Variants in DLG2 observed in about 807,000 individuals in gnomAD.
DLG2 encodes discs large MAGUK scaffold protein 2.
In DLG2, 45 loss-of-function variants were observed where a neutral mutation model predicts 132.5. The ratio of observed to expected loss-of-function variants is 0.34; its 90% CI spans 0.27 to 0.44. The LOEUF is 0.44. Among genes scored for constraint, DLG2 ranks in the 20% least tolerant of loss-of-function variants. DLG2 has a pLI of 1.00. For missense variants in DLG2, 1,045 were observed against 1,196.9 expected, an observed-to-expected ratio of 0.87 and a Z score of 1.87; for synonymous variants, 424 against 419.6, an observed-to-expected ratio of 1.01 and a Z score of -0.13.
At chr11:84,492,991 T>A (rs150541232) in intron 7 of DLG2, among the ~76,000 whole-genome samples, 77 of 152,218 alleles carry the variant, frequency 5.1e-4, no homozygotes, top group Non-Finnish European at 9.3e-4. Flanking sequence ...TTTTCTATGA[T>A]CTTAAAATGA....
intron 3 of DLG2, among the ~76,000 whole-genome samples, chr11:85,506,148 G>C (rs952439522): frequency 6.6e-6 from 1 of 151,528 alleles, no homozygotes; most frequent in African/African-American, 2.4e-5. Flanking sequence ...CTATTTTGTT[G>C]ATCTTTTCAA....
At chr11:83,488,787 A>T (rs1490165677) in intron 21 of DLG2, among the ~76,000 whole-genome samples, 4 of 151,914 alleles carry the variant, frequency 2.6e-5, no homozygotes, top group Admixed American at 2.0e-4. Flanking sequence ...CTCTAAAATA[A>T]TTGTGTTCCC....
chr11:83,604,818 A>G (rs2059086206), intron 19 of DLG2, among the ~76,000 whole-genome samples: 1 of 152,194 alleles, frequency 6.6e-6, no homozygotes, highest in African/African-American at 2.4e-5. Flanking sequence ...TTAAAAAAAG[A>G]AAATCTATAA....
At chr11:85,572,427 G>A (rs2153225716) in intron 3 of DLG2, among the ~76,000 whole-genome samples, 1 of 152,182 alleles carries the variant, frequency 6.6e-6, no homozygotes, top group Non-Finnish European at 1.5e-5. Context: ...GTGAGAAAAA[G>A]AATCACAAAA....
intron 7 of DLG2, among the ~76,000 whole-genome samples, chr11:84,525,935 C>T (rs2099318983): frequency 6.6e-6 from 1 of 152,126 alleles, no homozygotes; most frequent in African/African-American, 2.4e-5. Flanking sequence ...TTTCATACTT[C>T]CTTCAAGTAA....
intron 8 of DLG2, among the ~76,000 whole-genome samples, chr11:84,168,860 C>T (rs540663158): frequency 3.7e-4 from 56 of 150,776 alleles, no homozygotes; most frequent in African/African-American, 1.2e-3. Context: ...CAAACACACA[C>T]ACTCATTTGC....
chr11:85,510,880 C>A (rs568905438), intron 3 of DLG2, among the ~76,000 whole-genome samples: 1 of 152,166 alleles, frequency 6.6e-6, no homozygotes, highest in African/African-American at 2.4e-5. Flanking sequence ...GGGTATACAC[C>A]CAAAGGATTA....
At chr11:84,408,296 T>C (rs2098869463) in intron 7 of DLG2, among the ~76,000 whole-genome samples, 1 of 151,930 alleles carries the variant, frequency 6.6e-6, no homozygotes, top group Admixed American at 6.6e-5. Flanking sequence ...ATGAAATATA[T>C]GCCCAATATT....
intron 3 of DLG2, among the ~76,000 whole-genome samples, chr11:85,417,669 T>C (rs896549754): frequency 7.2e-5 from 11 of 152,340 alleles, no homozygotes; most frequent in Admixed American, 1.3e-4. Context: ...TGCTTTAGTC[T>C]TGTGAGGGTG....
At chr11:85,511,811 T>C (rs1002933882) in intron 3 of DLG2, among the ~76,000 whole-genome samples, 8 of 151,520 alleles carry the variant, frequency 5.3e-5, no homozygotes, top group Non-Finnish European at 8.8e-5. Context: ...CTCAAACTCC[T>C]GGGCTTAAGT....
At chr11:83,544,829 A>G (rs1464487842) in intron 19 of DLG2, among the ~76,000 whole-genome samples, 1 of 152,132 alleles carries the variant, frequency 6.6e-6, no homozygotes, top group African/African-American at 2.4e-5. Context: ...ATATAAAATG[A>G]GGTGTATCTG....
chr11:84,151,432 T>A (rs948501558), intron 9 of DLG2, among the ~76,000 whole-genome samples: 1 of 152,104 alleles, frequency 6.6e-6, no homozygotes, highest in Non-Finnish European at 1.5e-5. Flanking sequence ...CTTATTTGAG[T>A]CTTCTCTTTA....
chr11:85,491,041 G>A lies in DLG2; in HGVS notation c.40+107616C>T, dbSNP rs78868658. 9.8e-3 allele frequency among the ~76,000 whole-genome samples: 1,484 copies of A among 152,000 alleles called. 21 individuals are homozygous for A. The highest frequency in any genetic ancestry group is 0.032 in the African/African-American group (1,326 of 41,464). On this transcript the variant is annotated intron_variant, in intron 3 of 27. Coordinates refer to ENST00000376104, the MANE Select transcript of DLG2 (RefSeq NM_001142699.3). ...ACTCTCAACAAAATACTAGCAAACT[G>A]AATCCAACAACACAATAAGAAGATA...
chr11:84,862,507 A>C (rs892822482), intron 6 of DLG2, among the ~76,000 whole-genome samples: 1 of 152,198 alleles, frequency 6.6e-6, no homozygotes, highest in South Asian at 2.1e-4. Context: ...TCTACAATAA[A>C]GACACATGCA....
intron 26 of DLG2, among the ~76,000 whole-genome samples, chr11:83,463,009 T>C (rs889240624): frequency 6.6e-6 from 1 of 152,200 alleles, no homozygotes; most frequent in Admixed American, 6.5e-5. Context: ...CAGGTGCATG[T>C]AGAATTTCTG....
intron 6 of DLG2, among the ~76,000 whole-genome samples, chr11:84,595,850 A>G (rs1472600319): frequency 6.6e-6 from 1 of 152,214 alleles, no homozygotes; most frequent in Non-Finnish European, 1.5e-5. Flanking sequence ...AGGAGGTATA[A>G]GCATTTGATG....
intron 6 of DLG2, among the ~76,000 whole-genome samples, chr11:84,560,892 T>A (rs531897786): frequency 5.9e-5 from 9 of 152,222 alleles, no homozygotes; most frequent in Non-Finnish European, 1.3e-4. Flanking sequence ...ACTGCATTTT[T>A]AAATAACTCC....
At chr11:85,234,243 C>A (rs755825987) in intron 4 of DLG2, among the ~76,000 whole-genome samples, 1 of 151,930 alleles carries the variant, frequency 6.6e-6, no homozygotes, top group Non-Finnish European at 1.5e-5. Flanking sequence ...TTAAAAAATA[C>A]AGAGTATATA....
intron 6 of DLG2, among the ~76,000 whole-genome samples, chr11:84,639,167 C>G (rs963503183): frequency 6.6e-6 from 1 of 151,942 alleles, no homozygotes; most frequent in Admixed American, 6.6e-5. Flanking sequence ...TAATAGGATC[C>G]CAGACTCTAG....
Sources: gnomAD v4.1 joint callset for allele counts (sites outside exome capture counted in the v4.1 genomes callset) on GRCh38, gnomAD v4.1.1 for gene constraint, MANE v1.5 for transcripts, NCBI Gene and HGNC (gene_info 2026-07-23, HGNC 2026-07-21) for gene names.